CHIT1: variants seen among roughly 807,000 people sequenced by gnomAD.
The protein encoded by CHIT1 is chitinase 1.
CHIT1 carries 47 observed loss-of-function variants against 52.0 expected under a neutral mutation model. The ratio of observed to expected loss-of-function variants is 0.90; its 90% confidence interval spans 0.71 to 1.15. CHIT1 has a LOEUF of 1.15. Ranked by LOEUF, CHIT1 falls within the 50% of genes most tolerant of loss-of-function variation. The pLI, the probability that CHIT1 is intolerant of heterozygous loss-of-function variation, is 0.00. For missense variants in CHIT1, 569 were observed against 583.0 expected, an observed-to-expected ratio of 0.98 and a Z score of 0.25; for synonymous variants, 242 against 228.2, an observed-to-expected ratio of 1.06 and a Z score of -0.54.
chr1:203,221,353 G>C (rs994682590), intron 7 of CHIT1, among the ~76,000 whole-genome samples: 9 of 152,140 alleles, frequency 5.9e-5, no homozygotes, highest in Admixed American at 5.9e-4. Context: ...AAGGATCTAG[G>C]CTGGGCATGT....
intron 5 of CHIT1, 115 bp downstream of exon 5, chr1:203,223,380 A>T: frequency 6.2e-7 from 1 of 1,600,110 alleles, no homozygotes; most frequent in Non-Finnish European, 8.6e-7. Flanking sequence ...GATCTGTGCC[A>T]TGCAGATACG....
rs947072569 is a variant in CHIT1, at chr1:203,228,669, A to G, written c.26-107T>C. Reference sequence around the variant, plus strand: ...GGTGGTCAGGGAGGGCTGATTTCATACAAATCAAGCTTTCTCCTTTCAGAA... The same window carrying G: ...GGTGGTCAGGGAGGGCTGATTTCATGCAAATCAAGCTTTCTCCTTTCAGAA... On this transcript the variant is annotated intron_variant, in intron 1 of 10. Transcript: ENST00000367229. The G allele has an allele frequency of 6.2e-6, 8 of 1,287,558 alleles. No individual in the cohort carries two copies. In the African/African-American group the frequency reaches 1.0e-4, roughly 17 times the overall value. 79.8% of individuals were successfully genotyped at this position (1,287,558 alleles called of 1,614,324 possible).
chr1:203,229,843 C>A (rs544302718), upstream of CHIT1: 16 of 657,864 alleles, frequency 2.4e-5, no homozygotes, highest in African/African-American at 2.5e-4. Context: ...GCAATTCTTG[C>A]TTTTCTGGAA....
intron 2 of CHIT1, among the ~76,000 whole-genome samples, chr1:203,227,003 C>T (rs558682033): frequency 2.0e-5 from 3 of 152,258 alleles, no homozygotes; most frequent in African/African-American, 4.8e-5. Context: ...TGGACTGGAG[C>T]GTGCCTGTGG....
At chr1:203,218,573 A>C (rs965792843) in intron 9 of CHIT1, among the ~76,000 whole-genome samples, 1 of 152,060 alleles carries the variant, frequency 6.6e-6, no homozygotes, top group Non-Finnish European at 1.5e-5. Flanking sequence ...TTGCTTGTGC[A>C]GTTGCCCGCT....
intron 1 of CHIT1, 145 bp from the exon 2 acceptor site, chr1:203,228,707 G>A (rs528133491): frequency 1.8e-5 from 17 of 958,826 alleles, no homozygotes; most frequent in Middle Eastern, 2.6e-4. Flanking sequence ...GACCCAGGAG[G>A]GCACTGTGCC....
rs1274117151 is a variant in CHIT1, at chr1:203,216,317, C to G, written c.*572G>C. 4.4e-6 allele frequency: 2 copies of G among 454,058 alleles called. No individual in the cohort carries two copies. Among genetic ancestry groups the G allele is most frequent in the Non-Finnish European group, 8.8e-6 (2 of 226,790 alleles). The allele number at this position is 454,058 out of a possible 1,614,324, so 28.1% of individuals were successfully genotyped here. On this transcript the variant is annotated 3_prime_UTR_variant, in exon 11 of 11. Coordinates refer to ENST00000367229, the MANE Select transcript of CHIT1 (RefSeq NM_003465.3). Reference sequence around the variant, plus strand: ...CCCCTGAGTACCAGGGGTCTGAATTCTTAGTGTAATGCTGAGTGGCTGCTC... The same window carrying G: ...CCCCTGAGTACCAGGGGTCTGAATTGTTAGTGTAATGCTGAGTGGCTGCTC...
At chr1:203,217,606 G>T in intron 10 of CHIT1, 133 bp downstream of exon 10, 1 of 1,439,418 alleles carries the variant, frequency 6.9e-7, no homozygotes, top group Non-Finnish European at 9.6e-7. Context: ...GGTACATGAA[G>T]CTTGGGAAAT....
At chr1:203,226,674 A>C (rs1004688987) in intron 2 of CHIT1, among the ~76,000 whole-genome samples, 1 of 151,926 alleles carries the variant, frequency 6.6e-6, no homozygotes, top group African/African-American at 2.4e-5. Context: ...ACTGTAGGGT[A>C]CTTGTCTCTA....
intron 7 of CHIT1, among the ~76,000 whole-genome samples, chr1:203,221,498 G>A (rs1390080214): frequency 6.6e-6 from 1 of 152,138 alleles, no homozygotes; most frequent in Non-Finnish European, 1.5e-5. Flanking sequence ...GCTGGTCATA[G>A]TGATCCCAGT....
chr1:203,219,367 A>G, intron 8 of CHIT1, 38 bp from the exon 9 acceptor site: 1 of 1,147,586 alleles, frequency 8.7e-7, no homozygotes, highest in Non-Finnish European at 1.3e-6. Flanking sequence ...AGGAGGAGGG[A>G]GGCTCTTGCA....
At chr1:203,217,203 G>C (rs752266403) in intron 10 of CHIT1, 70 bp from the exon 11 acceptor site, 15 of 1,598,050 alleles carry the variant, frequency 9.4e-6, no homozygotes, top group Non-Finnish European at 1.3e-5. Flanking sequence ...AGAGCACACA[G>C]GCAGCAACCA....
In CHIT1 at chr1:203,216,780, G is replaced by A. The variant is rs912160869; in HGVS notation, c.*109C>T. 3 of 1,452,304 alleles carry A rather than the reference G, an allele frequency of 2.1e-6. No homozygotes were observed. In the African/African-American group the frequency reaches 4.2e-5, roughly 20 times the overall value. The allele number at this position is 1,452,304 out of a possible 1,614,324, so 90.0% of individuals were successfully genotyped here. A position where few individuals can be genotyped will look rare whatever the true frequency, so the allele number is the denominator to read the frequency against. The stretch of plus-strand genomic sequence containing the variant: ...AAAGCCTGGATAAAGGAAGACCACA[G>A]AAAGGCCTGCAGGAGCCAGATTGCG... On this transcript the variant is annotated 3_prime_UTR_variant, in exon 11 of 11. Coordinates refer to ENST00000367229, the MANE Select transcript of CHIT1 (RefSeq NM_003465.3).
intron 7 of CHIT1, 134 bp from the exon 8 acceptor site, chr1:203,219,983 C>T (rs1656675602): frequency 9.4e-7 from 1 of 1,059,384 alleles, no homozygotes; most frequent in East Asian, 2.6e-5. Flanking sequence ...TGTTAGGATT[C>T]CAGCCCTACC....
chr1:203,220,074 C>T (rs564113519), intron 7 of CHIT1, among the ~76,000 whole-genome samples: 2 of 152,246 alleles, frequency 1.3e-5, no homozygotes, highest in East Asian at 1.9e-4. Flanking sequence ...GCGTGGGCTT[C>T]GGACGCAGAC....
intron 4 of CHIT1, among the ~76,000 whole-genome samples, chr1:203,224,719 T>A (rs772227075): frequency 6.6e-6 from 1 of 152,158 alleles, no homozygotes; most frequent in Non-Finnish European, 1.5e-5. Context: ...AGACACTGCA[T>A]GTTGTCAGGA....
rs1656805773 is a variant in CHIT1 at position 203,223,273 on chromosome 1, G to A, written c.481-14C>T. 1 of 1,614,120 alleles carries A rather than the reference G, an allele frequency of 6.2e-7. No homozygotes were observed. Among genetic ancestry groups the A allele is most frequent in the Non-Finnish European group, 8.5e-7 (1 of 1,180,020 alleles). On this transcript the variant is annotated splice_polypyrimidine_tract_variant and intron_variant, in intron 5 of 10. Transcript: ENST00000367229. ...ATTGGCCAAGTCCTGTGGGAGTGGA[G>A]CTCAGAGTCAACACAGGGGCGCGCA...
chr1:203,217,619 C>T (rs972705118), intron 10 of CHIT1, 120 bp downstream of exon 10: 6 of 1,498,302 alleles, frequency 4.0e-6, no homozygotes, highest in Non-Finnish European at 5.5e-6. Flanking sequence ...TGGGAAATTA[C>T]AGTATTGGGG....
chr1:203,225,980 G>T, intron 2 of CHIT1, 110 bp from the exon 3 acceptor site: 1 of 1,144,384 alleles, frequency 8.7e-7, no homozygotes. Flanking sequence ...TTCTACACCT[G>T]GAGTCAGTGG....
Sources: allele counts gnomAD v4.1 joint callset (sites outside exome capture counted in the v4.1 genomes callset), GRCh38; gene constraint gnomAD v4.1.1; transcripts MANE v1.5; gene names NCBI Gene and HGNC (gene_info 2026-07-23, HGNC 2026-07-21).